The following FBP1 variants were observed in gnomAD, a reference collection of about 807,000 sequenced individuals.
FBP1 encodes fructose-bisphosphatase 1.
In FBP1, 22 loss-of-function variants were observed where a neutral mutation model predicts 29.9. That is an observed-to-expected ratio of 0.74 (90% CI 0.53 to 1.05). The LOEUF (loss-of-function observed/expected upper bound fraction) is 1.05, where lower values mean the gene tolerates loss of function less well. Among genes scored for constraint, FBP1 ranks in the 50% least tolerant of loss-of-function variants. The probability of loss-of-function intolerance (pLI) is 0.00; values close to 1 mark genes in which losing one functional copy is unlikely to be tolerated. For missense variants in FBP1, 345 were observed against 448.2 expected (o/e 0.77, Z 2.08); for synonymous variants, 175 against 178.6 (o/e 0.98, Z 0.16).
chr9:94,610,229 G>C (rs928790316), intron 3 of FBP1, among the ~76,000 whole-genome samples, 168 bp from the exon 4 acceptor site: 1 of 152,072 alleles, frequency 6.6e-6, no homozygotes, highest in Non-Finnish European at 1.5e-5. Flanking sequence ...AGATTATCAC[G>C]GCAGCCTTCC....
At chr9:94,614,464 A>C (rs920448524) in intron 3 of FBP1, among the ~76,000 whole-genome samples, 12 of 151,886 alleles carry the variant, frequency 7.9e-5, no homozygotes, top group Admixed American at 3.9e-4. Flanking sequence ...CGCTTGAACC[A>C]GGGAGGCAGA....
chr9:94,613,440 G>A (rs892544159), intron 3 of FBP1, among the ~76,000 whole-genome samples: 3 of 152,174 alleles, frequency 2.0e-5, no homozygotes, highest in Non-Finnish European at 2.9e-5. Context: ...AGCATTGCAG[G>A]AGAATTCGCC....
At chr9:94,611,602 T>A (rs1476831702) in intron 3 of FBP1, among the ~76,000 whole-genome samples, 1 of 152,132 alleles carries the variant, frequency 6.6e-6, no homozygotes, top group Admixed American at 6.6e-5. Flanking sequence ...AAAAAAATTT[T>A]TTTTTAATTA....
intron 1 of FBP1, among the ~76,000 whole-genome samples, chr9:94,621,329 G>T (rs1827946805): frequency 6.6e-6 from 1 of 151,686 alleles, no homozygotes; most frequent in Non-Finnish European, 1.5e-5. Context: ...CCGGGAGGTG[G>T]AGCTTGCAGT....
At chr9:94,634,281 G>A (rs919082633) in intron 1 of FBP1, among the ~76,000 whole-genome samples, 2 of 146,562 alleles carry the variant, frequency 1.4e-5, no homozygotes, top group African/African-American at 2.5e-5. Context: ...GCAACAGAGC[G>A]AGACTCTGCC....
intron 6 of FBP1, among the ~76,000 whole-genome samples, chr9:94,604,915 C>A (rs1009106748): frequency 1.3e-5 from 2 of 152,194 alleles, no homozygotes; most frequent in African/African-American, 4.8e-5. Context: ...CTGCAGCCTG[C>A]TGGGAACACC....
chr9:94,604,998 C>T (rs1587852501), intron 6 of FBP1, among the ~76,000 whole-genome samples: 1 of 152,278 alleles, frequency 6.6e-6, no homozygotes, highest in Non-Finnish European at 1.5e-5. Context: ...ATTCTTTCCT[C>T]CCCTAAAAGG....
chr9:94,625,996 GA>G (rs563379282), intron 1 of FBP1, among the ~76,000 whole-genome samples: 32 of 152,318 alleles, frequency 2.1e-4, no homozygotes, highest in South Asian at 1.7e-3. Context: ...ACCACGGCAG[GA>G]AATGGGCTCC....
intron 3 of FBP1, among the ~76,000 whole-genome samples, chr9:94,611,177 A>T (rs1827779426): frequency 1.3e-5 from 2 of 152,134 alleles, no homozygotes; most frequent in Non-Finnish European, 2.9e-5. Flanking sequence ...CTTCTTTATT[A>T]ACACTGGATT....
At chr9:94,607,077 T>C (rs2131473362) in intron 4 of FBP1, 125 bp from the exon 5 acceptor site, 2 of 1,282,280 alleles carry the variant, frequency 1.6e-6, no homozygotes, top group East Asian at 2.3e-5. Context: ...ACCACTCATC[T>C]TGGGGCCCCG....
At chr9:94,606,206 C>A (rs924015747) in intron 5 of FBP1, among the ~76,000 whole-genome samples, 1 of 152,172 alleles carries the variant, frequency 6.6e-6, no homozygotes, top group African/African-American at 2.4e-5. Flanking sequence ...AAAGAAAGGA[C>A]AAAATCAGAT....
chr9:94,614,972 G>A (rs529149889), intron 3 of FBP1, among the ~76,000 whole-genome samples: 527 of 152,096 alleles, frequency 3.5e-3, no homozygotes, highest in African/African-American at 0.012. Context: ...GCAGTGGTGC[G>A]ATCTCGGCTC....
intron 1 of FBP1, among the ~76,000 whole-genome samples, chr9:94,637,617 C>A (rs369864544): frequency 6.6e-6 from 1 of 151,982 alleles, no homozygotes; most frequent in Non-Finnish European, 1.5e-5. Flanking sequence ...TCTTGAACTC[C>A]TGACCTCAGG....
chr9:94,639,264 C>A lies in FBP1; in HGVS notation c.47G>T (p.Arg16Leu), dbSNP rs200720843. Residue 16 changes from arginine to leucine, a missense_variant, in exon 1 of 7, where the codon CGC (arginine) becomes CTC (leucine). Arg to Leu is a moderately radical substitution (Grantham distance 102). Coordinates refer to ENST00000375326, the MANE Select transcript of FBP1 (RefSeq NM_000507.4). Reference sequence around the variant, plus strand: ...CTTCCTGCCCTCCTCCATGACGAAGCGGGTCAGGGTGTTGACGTCCGTGTC... The same window carrying A: ...CTTCCTGCCCTCCTCCATGACGAAGAGGGTCAGGGTGTTGACGTCCGTGTC... ...PFDTDVNTLT[R>L]FVMEEGRKAR... is the part of the protein sequence containing the mutation. 3 of 1,605,704 alleles carry A rather than the reference C, an allele frequency of 1.9e-6. No homozygotes were observed. Among genetic ancestry groups the A allele is most frequent in the Non-Finnish European group, 2.6e-6 (3 of 1,176,296 alleles).
At chr9:94,617,454 C>A (rs901862159) in intron 3 of FBP1, among the ~76,000 whole-genome samples, 1 of 152,178 alleles carries the variant, frequency 6.6e-6, no homozygotes, top group African/African-American at 2.4e-5. Context: ...GAGTTCACAT[C>A]GTATCATCAC....
chr9:94,615,928 T>C (rs1210704328), intron 3 of FBP1, among the ~76,000 whole-genome samples: 2 of 151,154 alleles, frequency 1.3e-5, no homozygotes, highest in African/African-American at 2.4e-5. Flanking sequence ...CCCAGGTTCA[T>C]GCCATTCTCC....
intron 1 of FBP1, among the ~76,000 whole-genome samples, chr9:94,623,865 A>G (rs1164077439): frequency 6.6e-6 from 1 of 152,202 alleles, no homozygotes; most frequent in Non-Finnish European, 1.5e-5. Context: ...ACAAGAAATA[A>G]ATAAGTGTTT....
intron 1 of FBP1, among the ~76,000 whole-genome samples, chr9:94,637,255 C>T (rs1828205191): frequency 6.6e-6 from 1 of 152,126 alleles, no homozygotes; most frequent in African/African-American, 2.4e-5. Context: ...TACTGTGGGA[C>T]CAAAGCCAGA....
At chr9:94,626,220 G>A (rs1828024551) in intron 1 of FBP1, among the ~76,000 whole-genome samples, 1 of 152,220 alleles carries the variant, frequency 6.6e-6, no homozygotes, top group South Asian at 2.1e-4. Context: ...CCAACTCAAT[G>A]TTCACGTACT....
Sources: gnomAD v4.1 joint callset for allele counts (sites outside exome capture counted in the v4.1 genomes callset) on GRCh38, gnomAD v4.1.1 for gene constraint, MANE v1.5 for transcripts, NCBI Gene and HGNC (gene_info 2026-07-23, HGNC 2026-07-21) for gene names.